The following XIRP2 variants were observed in gnomAD, a reference collection of about 807,000 sequenced individuals.
XIRP2 encodes xin actin-binding repeat-containing protein 2.
A neutral mutation model predicts 277.0 loss-of-function variants in XIRP2; 236 were observed. That is an observed-to-expected ratio of 0.85 (90% CI 0.77 to 0.95). XIRP2 has a LOEUF of 0.95. XIRP2 is among the 40% of genes least tolerant of loss of function. The pLI is 0.00. For missense variants in XIRP2, 4,640 were observed against 4,157.5 expected (o/e 1.12, Z -3.19); for synonymous variants, 1,490 against 1,416.5 (o/e 1.05, Z -1.17).
intron 3 of XIRP2, among the ~76,000 whole-genome samples, chr2:167,165,065 T>G (rs901621188): frequency 6.6e-6 from 1 of 152,202 alleles, no homozygotes; most frequent in Admixed American, 6.5e-5. Context: ...AGCTTTGCCT[T>G]TTCTAGAATG....
intron 2 of XIRP2, among the ~76,000 whole-genome samples, chr2:166,922,222 C>T (rs375563627): frequency 5.9e-5 from 9 of 152,240 alleles, no homozygotes; most frequent in African/African-American, 2.2e-4. Flanking sequence ...CATTGACCCT[C>T]TGGGTAGAAG....
intron 1 of XIRP2, among the ~76,000 whole-genome samples, chr2:166,896,641 T>TAGTA (rs1684250936): frequency 6.6e-6 from 1 of 152,072 alleles, no homozygotes; most frequent in African/African-American, 2.4e-5. Flanking sequence ...AACAAAGCTA[T>TAGTA]AGTAAGTTAA....
chr2:166,998,849 C>A (rs531596710), intron 2 of XIRP2, among the ~76,000 whole-genome samples: 1 of 152,284 alleles, frequency 6.6e-6, no homozygotes, highest in African/African-American at 2.4e-5. Flanking sequence ...ATCCCTGAAC[C>A]ACCTGAGGTC....
chr2:167,010,332 T>A (rs1380398032), intron 2 of XIRP2, among the ~76,000 whole-genome samples: 1 of 151,596 alleles, frequency 6.6e-6, no homozygotes, highest in East Asian at 1.9e-4. Flanking sequence ...AGGGAATCCT[T>A]TCCCCATTGC....
At chr2:166,978,607 G>A (rs1686776451) in intron 2 of XIRP2, among the ~76,000 whole-genome samples, 2 of 152,092 alleles carry the variant, frequency 1.3e-5, no homozygotes, top group Admixed American at 6.5e-5. Context: ...ATTTACAAAT[G>A]CTTTATTCTT....
rs1422919136 is a variant in XIRP2, at chr2:167,245,005, G to T, written c.3613G>T (p.Glu1205Ter). Residue 1205 changes from glutamate to a stop codon, truncating the protein, a stop_gained, in exon 9 of 11, where the codon GAA becomes TAA. Coordinates refer to ENST00000409195, the MANE Select transcript of XIRP2 (RefSeq NM_152381.6). LOFTEE classifies it high-confidence loss of function. ...GDVSSMRYKF[E>*]NQSLDSISSS... Reference sequence around the variant, plus strand: ...TGTTTCCAGCATGAGGTATAAATTTGAAAATCAGTCCTTAGATTCTATAAG... The same window carrying T: ...TGTTTCCAGCATGAGGTATAAATTTTAAAATCAGTCCTTAGATTCTATAAG... 2 of 1,613,324 alleles carry T rather than the reference G, an allele frequency of 1.2e-6. No individual in the cohort carries two copies. The highest frequency in any genetic ancestry group is 1.7e-6 in the Non-Finnish European group (2 of 1,179,686).
intron 2 of XIRP2, among the ~76,000 whole-genome samples, chr2:167,091,484 T>G (rs1465743255): frequency 6.6e-6 from 1 of 152,174 alleles, no homozygotes; most frequent in Non-Finnish European, 1.5e-5. Context: ...TATTAAATAC[T>G]TAATTATAGG....
intron 5 of XIRP2, among the ~76,000 whole-genome samples, chr2:167,235,337 A>G (rs1398779331): frequency 6.6e-6 from 1 of 151,956 alleles, no homozygotes; most frequent in Admixed American, 6.6e-5. Context: ...GAAAGGGATG[A>G]CCAACCAAAA....
At chr2:167,082,136 C>T (rs1689755207) in intron 2 of XIRP2, among the ~76,000 whole-genome samples, 1 of 150,048 alleles carries the variant, frequency 6.7e-6, no homozygotes, top group Admixed American at 6.7e-5. Context: ...TGATATTCCC[C>T]TTCCTGTGTC....
chr2:167,080,721 T>A (rs1437139158), intron 2 of XIRP2, among the ~76,000 whole-genome samples: 1 of 152,230 alleles, frequency 6.6e-6, no homozygotes, highest in Non-Finnish European at 1.5e-5. Context: ...AGTACTAGAA[T>A]AAAATATCTT....
chr2:166,953,974 A>T (rs1007361108), intron 2 of XIRP2, among the ~76,000 whole-genome samples: 3 of 151,988 alleles, frequency 2.0e-5, no homozygotes, highest in Non-Finnish European at 4.4e-5. Flanking sequence ...TAAAGAAATC[A>T]TAGGAATTTT....
chr2:166,919,072 C>T (rs1684970911), intron 2 of XIRP2, among the ~76,000 whole-genome samples: 1 of 152,094 alleles, frequency 6.6e-6, no homozygotes, highest in Admixed American at 6.5e-5. Context: ...GCCATCCATC[C>T]ACTCTCTTCC....
chr2:166,933,747 A>G (rs1685414474), intron 2 of XIRP2, among the ~76,000 whole-genome samples: 1 of 152,174 alleles, frequency 6.6e-6, no homozygotes, highest in South Asian at 2.1e-4. Context: ...GGGTTGAGGA[A>G]GTTAACCAGA....
intron 3 of XIRP2, among the ~76,000 whole-genome samples, chr2:167,193,243 C>G (rs988165825): frequency 1.3e-5 from 2 of 152,146 alleles, no homozygotes; most frequent in African/African-American, 4.8e-5. Flanking sequence ...TAAATAGAAG[C>G]AATAAGTTGC....
chr2:166,903,679 C>T lies in XIRP2; in HGVS notation c.197C>T (p.Thr66Ile), dbSNP rs1360631067. ...GATCCCACAAGTCTGCCCTACAGTA[C>T]AGGGGAAGAGATGTGGAGTTCGAAG... ...SLDPTSLPYS[T>I]GEEMWSSKPE... Residue 66 changes from threonine to isoleucine, a missense_variant, in exon 2 of 11, where the codon ACA (threonine) becomes ATA (isoleucine). Physicochemically the swap from Thr to Ile is moderately conservative, Grantham distance 89. Coordinates refer to ENST00000409195, the MANE Select transcript of XIRP2 (RefSeq NM_152381.6). The T allele has an allele frequency of 1.2e-6, 2 of 1,613,454 alleles. No homozygotes were observed. Among genetic ancestry groups the T allele is most frequent in the African/African-American group, 2.7e-5 (2 of 74,878 alleles).
chr2:166,955,728 T>A (rs1686144981), intron 2 of XIRP2, among the ~76,000 whole-genome samples: 1 of 151,852 alleles, frequency 6.6e-6, no homozygotes, highest in African/African-American at 2.4e-5. Context: ...TGAATCAGCT[T>A]CAAGAATTTC....
chr2:166,913,756 C>A (rs909253710), intron 2 of XIRP2, among the ~76,000 whole-genome samples: 10 of 152,150 alleles, frequency 6.6e-5, no homozygotes, highest in African/African-American at 2.4e-4. Flanking sequence ...ATAATTGCAG[C>A]CATTTTGCAA....
chr2:167,002,484 G>A (rs994713359), intron 2 of XIRP2, among the ~76,000 whole-genome samples: 6 of 151,858 alleles, frequency 4.0e-5, no homozygotes, highest in Non-Finnish European at 7.4e-5. Flanking sequence ...AATAGGAAGA[G>A]GACAAATACT....
intron 2 of XIRP2, among the ~76,000 whole-genome samples, chr2:166,998,552 G>C (rs940313878): frequency 2.6e-5 from 4 of 152,102 alleles, no homozygotes; most frequent in Admixed American, 2.6e-4. Flanking sequence ...TAGGAGAATG[G>C]CGTGAACCCA....
Sources: gnomAD v4.1 joint callset for allele counts (sites outside exome capture counted in the v4.1 genomes callset) on GRCh38, gnomAD v4.1.1 for gene constraint, MANE v1.5 for transcripts, NCBI Gene and HGNC (gene_info 2026-07-23, HGNC 2026-07-21) for gene names.